The following CEBPZOS variants were observed in gnomAD, a reference collection of about 807,000 sequenced individuals.
CEBPZOS encodes the protein CEBPZ opposite strand, also known as protein CEBPZOS.
In CEBPZOS, 10 loss-of-function variants were observed where a neutral mutation model predicts 4.8. The ratio of observed to expected loss-of-function variants is 2.07; its 90% CI spans 1.28 to 3.52. The LOEUF (loss-of-function observed/expected upper bound fraction) is 3.52. CEBPZOS is among the 30% of genes most tolerant of loss of function. The probability of loss-of-function intolerance (pLI) is 0.00; values close to 1 mark genes in which losing one functional copy is unlikely to be tolerated. For synonymous variants in CEBPZOS, 25 were observed against 14.2 expected, an observed-to-expected ratio of 1.77 and a Z score of -1.72; for missense variants, 98 against 43.6, an observed-to-expected ratio of 2.25 and a Z score of -3.51.
At chr2:37,213,087 T>C (rs1677779215) in intron 4 of CEBPZOS, among the ~76,000 whole-genome samples, 1 of 151,892 alleles carries the variant, frequency 6.6e-6, no homozygotes, top group Non-Finnish European at 1.5e-5. Context: ...AACAAAAAAA[T>C]ATGTAACGTG....
intron 4 of CEBPZOS, among the ~76,000 whole-genome samples, chr2:37,213,044 C>T (rs1165492849): frequency 6.6e-6 from 1 of 151,704 alleles, no homozygotes; most frequent in Non-Finnish European, 1.5e-5. Flanking sequence ...GAGCCTGTCT[C>T]AAAACAAACA....
At chr2:37,198,114 C>T (rs1341738900) in intron 1 of CEBPZOS, among the ~76,000 whole-genome samples, 2 of 151,952 alleles carry the variant, frequency 1.3e-5, no homozygotes, top group African/African-American at 4.8e-5. Flanking sequence ...GAGCCAAGAT[C>T]GCGCCACTGC....
chr2:37,204,861 T>A (rs1057170080), downstream of CEBPZOS: 1 of 152,250 alleles, frequency 6.6e-6, no homozygotes, highest in African/African-American at 2.4e-5. Context: ...AGTACTTTAC[T>A]ATTTGAAACA....
chr2:37,199,991 ACT>A (rs1257492221), intron 2 of CEBPZOS, among the ~76,000 whole-genome samples, 172 bp downstream of exon 2: 2 of 152,152 alleles, frequency 1.3e-5, no homozygotes, highest in African/African-American at 4.8e-5. Flanking sequence ...GGACTAGATC[ACT>A]CTCACTTCTC....
At chr2:37,214,004 C>CTAA, downstream of CEBPZOS, 1 of 1,072,498 alleles carries the variant, frequency 9.3e-7, no homozygotes, top group Non-Finnish European at 1.3e-6. Flanking sequence ...TATTAAAGGT[C>CTAA]TAATCTTACT....
At chr2:37,210,916 T>C in intron 4 of CEBPZOS, 2 of 887,612 alleles carry the variant, frequency 2.3e-6, no homozygotes, top group Non-Finnish European at 3.4e-6. Context: ...TTAATCAAAT[T>C]TAGGAGAGTT....
chr2:37,210,652 A>G (rs927242030), intron 4 of CEBPZOS: 11 of 176,378 alleles, frequency 6.2e-5, no homozygotes, highest in Admixed American at 1.2e-4. Flanking sequence ...GGATAAGAGT[A>G]CACATTGGGT....
At chr2:37,206,278 A>T (rs1417039493), downstream of CEBPZOS, among the ~76,000 whole-genome samples, 1 of 152,260 alleles carries the variant, frequency 6.6e-6, no homozygotes, top group Non-Finnish European at 1.5e-5. Context: ...TTCCTAAATG[A>T]AGGAGAGATA....
chr2:37,210,940 GATA>G (rs1677701821), intron 4 of CEBPZOS: 1 of 1,131,882 alleles, frequency 8.8e-7, no homozygotes, highest in Non-Finnish European at 1.3e-6. Flanking sequence ...TTCCCAAAAT[GATA>G]ATGACACCTT....
chr2:37,214,379 T>C (rs897795499), downstream of CEBPZOS, among the ~76,000 whole-genome samples: 1 of 152,152 alleles, frequency 6.6e-6, no homozygotes, highest in African/African-American at 2.4e-5. Flanking sequence ...GGTTTAGGAC[T>C]TATTTCTATA....
intron 4 of CEBPZOS, chr2:37,211,446 C>A (rs761184538): frequency 8.5e-6 from 2 of 234,574 alleles, no homozygotes; most frequent in Non-Finnish European, 1.6e-5. Flanking sequence ...AGACAACAGT[C>A]TAGAGACAAT....
At chr2:37,215,172 A>G (rs1572501697), downstream of CEBPZOS, 1 of 432,172 alleles carries the variant, frequency 2.3e-6, no homozygotes, top group East Asian at 3.7e-5. Context: ...AGCATAAAGT[A>G]GGCAGTACAT....
chr2:37,212,024 T>C (rs758518352), intron 4 of CEBPZOS: 1 of 1,582,964 alleles, frequency 6.3e-7, no homozygotes, highest in South Asian at 1.2e-5. Context: ...CTCCTTTTGT[T>C]CTCTTTTTCA....
At chr2:37,211,671 A>ATTT (rs1230988546) in intron 4 of CEBPZOS, 3 of 552,428 alleles carry the variant, frequency 5.4e-6, no homozygotes, top group Non-Finnish European at 9.3e-6. Context: ...ATAACACACA[A>ATTT]TAAAAACCCT....
downstream of CEBPZOS, chr2:37,215,520 T>C (rs1300059309): frequency 6.6e-6 from 1 of 152,454 alleles, no homozygotes; most frequent in East Asian, 1.9e-4. Flanking sequence ...TAACTGTGGG[T>C]AAGTCCTTTT....
Position 37,211,707 on chromosome 2 carries a change from G to T in CEBPZOS, c.*3-1730G>T, listed in dbSNP as rs559304971. Reference sequence around the variant, plus strand: ...TCAGCTCCAAACGAGAAGGGAAAAGGTCCTTTTAAGTTTCTGGCTGACATG... The same window carrying T: ...TCAGCTCCAAACGAGAAGGGAAAAGTTCCTTTTAAGTTTCTGGCTGACATG... On this transcript the variant is annotated intron_variant, in intron 4 of 4. Transcript: ENST00000397064. 3 of 616,370 alleles carry T rather than the reference G, an allele frequency of 4.9e-6. No individual in the cohort carries two copies. The East Asian group carries it at 9.0e-5, about 18-fold the overall frequency. The allele number at this position is 616,370 out of a possible 1,614,324, so 38.2% of individuals were successfully genotyped here. A position where few individuals can be genotyped will look rare whatever the true frequency, so the allele number is the denominator to read the frequency against.
At chr2:37,210,987 G>A (rs1178828695) in intron 4 of CEBPZOS, 32 of 1,578,258 alleles carry the variant, frequency 2.0e-5, no homozygotes, top group Non-Finnish European at 2.0e-5. Flanking sequence ...GATATTAAAT[G>A]TATTTTCTTA....
At chr2:37,211,100 T>C (rs1169861345) in intron 4 of CEBPZOS, 1 of 1,572,828 alleles carries the variant, frequency 6.4e-7, no homozygotes, top group Non-Finnish European at 8.7e-7. Context: ...ACGAAAAAAT[T>C]TGCTAATAAG....
In CEBPZOS at chr2:37,199,735, A is replaced by C; in HGVS notation, c.31A>C (p.Lys11Gln). The part of the protein sequence containing the change: MARTLEPLAK[K>Q]IFKGVLVAEL... ...CCGTACTTTGGAACCACTAGCAAAG[A>C]AGATCTTTAAAGGAGTTTTGGTAGC... The change falls in exon 2 of 5, where the codon AAG becomes CAG. Residue 11 changes from lysine (K) to glutamine (Q), a missense_variant. Coordinates refer to ENST00000402297, the MANE Select transcript of CEBPZOS (RefSeq NM_001322374.2). 4.2e-6 allele frequency: 3 copies of C among 717,476 alleles called. No individual in the cohort carries two copies. Among genetic ancestry groups the C allele is most frequent in the South Asian group, 3.0e-5 (2 of 67,602 alleles). 44.4% of individuals were successfully genotyped at this position (717,476 alleles called of 1,614,324 possible).
Sources: gnomAD v4.1 joint callset for allele counts (sites outside exome capture counted in the v4.1 genomes callset) on GRCh38, gnomAD v4.1.1 for gene constraint, MANE v1.5 for transcripts, NCBI Gene and HGNC (gene_info 2026-07-23, HGNC 2026-07-21) for gene names.